Variants in NTRK2 observed in about 807,000 individuals in gnomAD.
NTRK2 encodes BDNF/NT-3 growth factors receptor.
In NTRK2, 13 loss-of-function variants were observed where a neutral mutation model predicts 94.5. The observed-to-expected ratio is 0.14, with a 90% CI of 0.09 to 0.22. The LOEUF (loss-of-function observed/expected upper bound fraction) is 0.22, where lower values mean the gene tolerates loss of function less well. Among genes scored for constraint, NTRK2 ranks in the 10% least tolerant of loss-of-function variants. The pLI is 1.00. For missense variants in NTRK2, 639 were observed against 1,071.2 expected (o/e 0.60, Z 5.63); for synonymous variants, 372 against 407.4 (o/e 0.91, Z 1.05).
intron 15 of NTRK2, among the ~76,000 whole-genome samples, chr9:84,940,325 A>G (rs572708077): frequency 5.3e-5 from 8 of 152,272 alleles, no homozygotes; most frequent in African/African-American, 1.9e-4. Context: ...CTCACTCAAG[A>G]TCTGAGGCAG....
intron 17 of NTRK2, among the ~76,000 whole-genome samples, chr9:84,983,027 A>G (rs1827849644): frequency 2.0e-5 from 3 of 152,044 alleles, no homozygotes; most frequent in African/African-American, 7.2e-5. Flanking sequence ...GTGGGAAAGG[A>G]TACTTAATAT....
chr9:84,877,143 C>T (rs894334181), intron 14 of NTRK2: 1 of 1,064,950 alleles, frequency 9.4e-7, no homozygotes, highest in Non-Finnish European at 1.1e-6. Flanking sequence ...TCTGCCACTT[C>T]CTACATATTA....
chr9:84,839,545 T>C (rs2074057036), intron 12 of NTRK2, among the ~76,000 whole-genome samples: 1 of 152,190 alleles, frequency 6.6e-6, no homozygotes, highest in South Asian at 2.1e-4. Flanking sequence ...ACTCTTACTC[T>C]GTAAAGAGCA....
intron 17 of NTRK2, among the ~76,000 whole-genome samples, chr9:84,994,049 A>G (rs1469023416): frequency 3.3e-5 from 5 of 152,180 alleles, no homozygotes; most frequent in Non-Finnish European, 7.3e-5. Flanking sequence ...TAAAGTAGCC[A>G]CCACCCTGAA....
chr9:84,835,389 C>T (rs965899365), intron 12 of NTRK2, among the ~76,000 whole-genome samples: 4 of 152,006 alleles, frequency 2.6e-5, no homozygotes, highest in African/African-American at 9.7e-5. Context: ...CGAAATGAGC[C>T]CCCACTCCAA....
At chr9:84,868,419 A>C (rs2075693353) in intron 14 of NTRK2, among the ~76,000 whole-genome samples, 1 of 152,162 alleles carries the variant, frequency 6.6e-6, no homozygotes, top group Non-Finnish European at 1.5e-5. Flanking sequence ...ATATATAAGG[A>C]AATATCTGTA....
At chr9:84,928,940 G>T (rs555943233) in intron 14 of NTRK2, among the ~76,000 whole-genome samples, 1 of 152,262 alleles carries the variant, frequency 6.6e-6, no homozygotes, top group South Asian at 2.1e-4. Flanking sequence ...CTGAATAAAT[G>T]TCTCTGTTGA....
chr9:84,693,527 G>A (rs1472819895), intron 2 of NTRK2, among the ~76,000 whole-genome samples: 1 of 152,120 alleles, frequency 6.6e-6, no homozygotes, highest in East Asian at 1.9e-4. Context: ...GTATTGAAGA[G>A]ATGTGAGATA....
chr9:84,882,730 G>A (rs1178109097), intron 14 of NTRK2, among the ~76,000 whole-genome samples: 5 of 151,598 alleles, frequency 3.3e-5, no homozygotes, highest in East Asian at 1.9e-4. Flanking sequence ...GCGCGCGCGC[G>A]CGCATGTGTG....
intron 11 of NTRK2, among the ~76,000 whole-genome samples, chr9:84,750,959 A>G (rs1162826895): frequency 6.6e-6 from 1 of 152,230 alleles, no homozygotes; most frequent in Non-Finnish European, 1.5e-5. Flanking sequence ...GGATTCACAT[A>G]TATCTACATC....
intron 17 of NTRK2, among the ~76,000 whole-genome samples, chr9:85,008,084 A>G (rs904854231): frequency 4.6e-5 from 7 of 152,014 alleles, no homozygotes; most frequent in African/African-American, 1.7e-4. Flanking sequence ...GTCTTCTTCC[A>G]TGTGATCCTC....
At chr9:84,914,462 G>C (rs1401286725) in intron 14 of NTRK2, among the ~76,000 whole-genome samples, 1 of 152,092 alleles carries the variant, frequency 6.6e-6, no homozygotes, top group East Asian at 1.9e-4. Context: ...TAAACCTTCT[G>C]TTTGAGATGG....
chr9:84,907,616 A>G (rs565303194), intron 14 of NTRK2, among the ~76,000 whole-genome samples: 1 of 151,958 alleles, frequency 6.6e-6, no homozygotes, highest in South Asian at 2.1e-4. Flanking sequence ...AGCAACAAAT[A>G]CCTGGGAATT....
chr9:84,884,217 T>C (rs2132238475), intron 14 of NTRK2, among the ~76,000 whole-genome samples: 1 of 152,320 alleles, frequency 6.6e-6, no homozygotes, highest in South Asian at 2.1e-4. Context: ...TCAAATAAAT[T>C]AATAAAACTA....
At chr9:84,887,993 A>T (rs1311502523) in intron 14 of NTRK2, among the ~76,000 whole-genome samples, 1 of 152,184 alleles carries the variant, frequency 6.6e-6, no homozygotes, top group African/African-American at 2.4e-5. Flanking sequence ...GGATGACAAA[A>T]CCCATTTTTT....
intron 2 of NTRK2, among the ~76,000 whole-genome samples, chr9:84,671,881 G>A (rs1440098666): frequency 1.3e-5 from 2 of 152,202 alleles, no homozygotes; most frequent in East Asian, 1.9e-4. Context: ...CCTTTCTCTA[G>A]CATTCCTGTG....
At chr9:84,915,076 C>T (rs533231743) in intron 14 of NTRK2, among the ~76,000 whole-genome samples, 1 of 152,188 alleles carries the variant, frequency 6.6e-6, no homozygotes, top group African/African-American at 2.4e-5. Flanking sequence ...CGCAGTTCAC[C>T]GTAGGGTTCA....
At chr9:84,946,920 C>T (rs1380297772) in intron 15 of NTRK2, among the ~76,000 whole-genome samples, 1 of 152,110 alleles carries the variant, frequency 6.6e-6, no homozygotes, top group Non-Finnish European at 1.5e-5. Flanking sequence ...CATCTTTTCT[C>T]CTCTCTGATC....
chr9:84,796,357 A>G (rs532736823), intron 12 of NTRK2, among the ~76,000 whole-genome samples: 1 of 152,308 alleles, frequency 6.6e-6, no homozygotes, highest in East Asian at 1.9e-4. Context: ...TTTTAATTCA[A>G]GATTAGAAGA....
Sources: gnomAD v4.1 joint callset for allele counts (sites outside exome capture counted in the v4.1 genomes callset) on GRCh38, gnomAD v4.1.1 for gene constraint, MANE v1.5 for transcripts, NCBI Gene and HGNC (gene_info 2026-07-23, HGNC 2026-07-21) for gene names.